The following ANXA8 variants were observed in gnomAD, a reference collection of about 807,000 sequenced individuals.
ANXA8 encodes the protein VAC-beta.
A neutral mutation model predicts 26.8 loss-of-function variants in ANXA8; 9 were observed. That is an observed-to-expected ratio of 0.34 (90% CI 0.20 to 0.59). The LOEUF is 0.59. Ranked by LOEUF, ANXA8 falls within the 20% of genes least tolerant of loss-of-function variation. The pLI, the probability that ANXA8 is intolerant of heterozygous loss-of-function variation, is 0.84. For missense variants in ANXA8, 83 were observed against 238.5 expected (o/e 0.35, Z 4.29); for synonymous variants, 39 against 94.8 (o/e 0.41, Z 3.42).
At chr10:47,896,908 A>ATTTATTTATTTATTTT in the ANXA8 span, among the ~76,000 whole-genome samples, 1 of 116,510 alleles carries the variant, frequency 8.6e-6, no homozygotes, top group African/African-American at 3.3e-5. Flanking sequence ...AAGAGATTTT[A>ATTTATTTATTTATTTT]TTTATTTATT....
At chr10:47,553,322 G>A in the ANXA8 span, 2 of 152,356 alleles carry the variant, frequency 1.3e-5, no homozygotes, top group African/African-American at 4.8e-5. Context: ...ACGACCCCCG[G>A]GCACACCTCA....
At chr10:47,607,462 A>G in the ANXA8 span, among the ~76,000 whole-genome samples, 2 of 150,644 alleles carry the variant, frequency 1.3e-5, no homozygotes, top group African/African-American at 2.5e-5. Context: ...GTAAAATTAC[A>G]TTCTGTATGA....
the ANXA8 span, among the ~76,000 whole-genome samples, chr10:47,682,469 C>CTT: frequency 1.4e-3 from 169 of 121,604 alleles, 3 homozygotes; most frequent in African/African-American, 3.9e-3. Context: ...CTTTCTTTTT[C>CTT]TTTTTTTTTT....
chr10:47,683,689 T>G, the ANXA8 span, among the ~76,000 whole-genome samples: 1 of 151,678 alleles, frequency 6.6e-6, no homozygotes, highest in African/African-American at 2.4e-5. Flanking sequence ...ACTTCAATAA[T>G]TTCAAGTTTG....
the ANXA8 span, among the ~76,000 whole-genome samples, chr10:47,900,902 T>C: frequency 7.0e-6 from 1 of 142,366 alleles, no homozygotes; most frequent in Non-Finnish European, 1.5e-5. Context: ...TGGCTCTTAG[T>C]AACAGCATGG....
At chr10:47,501,634 A>G in the ANXA8 span, among the ~76,000 whole-genome samples, 25 of 140,656 alleles carry the variant, frequency 1.8e-4, 1 homozygote, top group East Asian at 3.0e-4. Context: ...GTGTGAATCC[A>G]GGAGGCAGAG....
chr10:47,627,923 A>G, the ANXA8 span, among the ~76,000 whole-genome samples: 2 of 149,654 alleles, frequency 1.3e-5, no homozygotes, highest in Non-Finnish European at 3.0e-5. Flanking sequence ...ATAAATACCC[A>G]TTATTAACAT....
Position 47,468,907 on chromosome 10 carries a change from C to T in ANXA8, c.925-1G>A, listed in dbSNP as rs2132384337. 1 of 1,611,276 alleles carries T rather than the reference C, an allele frequency of 6.2e-7. No individual in the cohort carries two copies. The highest frequency in any genetic ancestry group is 8.5e-7 in the Non-Finnish European group (1 of 1,179,692). ...TCTTGTAGTCACCGCTGGTGTCTTC[C>T]TGTGGGCAGGAGGCGCATAAGCGTG... On this transcript the variant is annotated splice_acceptor_variant, in intron 11 of 11. Coordinates refer to ENST00000585281, the MANE Select transcript of ANXA8 (RefSeq NM_001040084.3). LOFTEE classifies it high-confidence loss of function.
the ANXA8 span, among the ~76,000 whole-genome samples, chr10:47,606,042 C>A: frequency 2.7e-5 from 4 of 149,266 alleles, no homozygotes; most frequent in Admixed American, 2.6e-4. Context: ...TCAGTTATAA[C>A]CACATGGGTG....
chr10:47,626,717 T>A, the ANXA8 span, among the ~76,000 whole-genome samples: 1 of 150,334 alleles, frequency 6.7e-6, no homozygotes, highest in East Asian at 1.9e-4. Flanking sequence ...AAACAAATAA[T>A]AAAGTGTTTT....
chr10:47,956,679 G>T, the ANXA8 span, among the ~76,000 whole-genome samples: 1 of 150,754 alleles, frequency 6.6e-6, no homozygotes, highest in African/African-American at 2.5e-5. Flanking sequence ...GCTCTCTGGG[G>T]ACCAGCTTGT....
the ANXA8 span, chr10:47,969,950 T>A: frequency 1.3e-5 from 2 of 151,346 alleles, no homozygotes; most frequent in African/African-American, 4.8e-5. Flanking sequence ...TCTCTCTTTT[T>A]TAATGCTTTT....
the ANXA8 span, among the ~76,000 whole-genome samples, chr10:47,681,804 G>C: frequency 3.2e-5 from 4 of 123,612 alleles, no homozygotes; most frequent in Non-Finnish European, 6.7e-5. Context: ...CCAAAGTAAA[G>C]TACTGTAATT....
the ANXA8 span, among the ~76,000 whole-genome samples, chr10:47,584,101 C>T: frequency 6.8e-6 from 1 of 147,240 alleles, no homozygotes; most frequent in Non-Finnish European, 1.5e-5. Flanking sequence ...CATCGCCCAG[C>T]CCGGAAGGTT....
the ANXA8 span, among the ~76,000 whole-genome samples, chr10:47,988,929 C>T: frequency 2.0e-5 from 3 of 151,842 alleles, no homozygotes; most frequent in Non-Finnish European, 4.4e-5. Flanking sequence ...TGTCCACACA[C>T]ACGATATCCC....
chr10:47,737,505 A>G, the ANXA8 span, among the ~76,000 whole-genome samples: 16 of 151,878 alleles, frequency 1.1e-4, no homozygotes, highest in African/African-American at 1.7e-4. Context: ...TGGACTTTCT[A>G]GTCTGTTTCA....
At chr10:47,777,139 T>G in the ANXA8 span, among the ~76,000 whole-genome samples, 1 of 151,632 alleles carries the variant, frequency 6.6e-6, no homozygotes, top group Non-Finnish European at 1.5e-5. Flanking sequence ...ACATAGGAGA[T>G]GAGTGTGATC....
At chr10:47,487,875 C>T (rs1458464458), upstream of ANXA8, among the ~76,000 whole-genome samples, 2 of 150,264 alleles carry the variant, frequency 1.3e-5, no homozygotes, top group Non-Finnish European at 3.0e-5. Context: ...TAAAGATTCT[C>T]CCCTCTCCAA....
At chr10:47,979,487 C>T in the ANXA8 span, among the ~76,000 whole-genome samples, 14 of 151,520 alleles carry the variant, frequency 9.2e-5, no homozygotes, top group Non-Finnish European at 5.9e-5. Context: ...ACAAAAGGGG[C>T]TTTGCAGATA....
Sources: gnomAD v4.1 joint callset for allele counts (sites outside exome capture counted in the v4.1 genomes callset) on GRCh38, gnomAD v4.1.1 for gene constraint, MANE v1.5 for transcripts, NCBI Gene and HGNC (gene_info 2026-07-23, HGNC 2026-07-21) for gene names.